The following VGLL3 variants were observed in gnomAD, a reference collection of about 807,000 sequenced individuals.
VGLL3 encodes the protein vestigial like family member 3.
A neutral mutation model predicts 29.2 loss-of-function variants in VGLL3; 18 were observed. That is an observed-to-expected ratio of 0.62 (90% CI 0.43 to 0.91). The LOEUF is 0.91. Ranked by LOEUF, VGLL3 falls within the 40% of genes least tolerant of loss-of-function variation. The probability of loss-of-function intolerance (pLI) is 0.00; values close to 1 mark genes in which losing one functional copy is unlikely to be tolerated. For synonymous variants in VGLL3, 180 were observed against 151.8 expected (o/e 1.19, Z -1.36); for missense variants, 440 against 413.2 (o/e 1.06, Z -0.56).
chr3:86,989,348 C>A (rs1186746639), intron 1 of VGLL3, among the ~76,000 whole-genome samples: 1 of 152,136 alleles, frequency 6.6e-6, no homozygotes, highest in African/African-American at 2.4e-5. Context: ...AGTAGGGCTC[C>A]TTCCTCTTTT....
rs759200574 is a variant in VGLL3 at position 86,947,056 on chromosome 3, G to C, written c.949C>G (p.Gln317Glu). 7.7e-6 allele frequency: 6 copies of C among 780,502 alleles called. No individual in the cohort carries two copies. The Middle Eastern group carries it at 9.0e-4, about 117-fold the overall frequency. The allele number at this position is 780,502 out of a possible 1,614,324, so 48.3% of individuals were successfully genotyped here. A position where few individuals can be genotyped will look rare whatever the true frequency, so the allele number is the denominator to read the frequency against. ...SVGFDTGLQH[Q>E]DKSKESPWY ...CACGGTGATTCCTTACTCTTGTCTT[G>C]ATGCTGTAGACCTGGAACAAATGAC... is the stretch of plus-strand genomic sequence containing the variant. Residue 317 changes from glutamine to glutamate, a missense_variant, in exon 4 of 4, where the codon CAA becomes GAA. Gln to Glu is a conservative substitution (Grantham distance 29, BLOSUM62 2). Transcript: ENST00000398399.
intron 3 of VGLL3, among the ~76,000 whole-genome samples, chr3:86,958,703 T>C (rs1704776358): frequency 6.6e-6 from 1 of 152,182 alleles, no homozygotes; most frequent in Non-Finnish European, 1.5e-5. Context: ...TCCCCTCTTA[T>C]TCATCATCCA....
At chr3:86,950,689 A>G (rs1450180488) in intron 3 of VGLL3, among the ~76,000 whole-genome samples, 1 of 152,192 alleles carries the variant, frequency 6.6e-6, no homozygotes, top group Non-Finnish European at 1.5e-5. Flanking sequence ...TTTTCCCAAG[A>G]TGACATAAAT....
intron 2 of VGLL3, among the ~76,000 whole-genome samples, chr3:86,971,301 A>C (rs1195355758): frequency 6.6e-6 from 1 of 152,150 alleles, no homozygotes; most frequent in East Asian, 1.9e-4. Flanking sequence ...TCTCCCCTAA[A>C]GGCTGTGGCA....
chr3:86,968,410 A>G (rs1705009110), intron 3 of VGLL3, among the ~76,000 whole-genome samples, 180 bp downstream of exon 3: 1 of 152,240 alleles, frequency 6.6e-6, no homozygotes, highest in Non-Finnish European at 1.5e-5. Flanking sequence ...GCTGGATTTC[A>G]TGAGCTAGTC....
intron 1 of VGLL3, among the ~76,000 whole-genome samples, chr3:86,985,209 C>T (rs1705413348): frequency 6.6e-6 from 1 of 152,126 alleles, no homozygotes; most frequent in South Asian, 2.1e-4. Flanking sequence ...GCTGCCTCTT[C>T]TGATATTTAG....
intron 3 of VGLL3, among the ~76,000 whole-genome samples, chr3:86,966,435 A>G (rs1208799084): frequency 6.6e-6 from 1 of 151,872 alleles, no homozygotes; most frequent in East Asian, 1.9e-4. Context: ...TGTTTTCTCA[A>G]TTGGGTCAAA....
intron 1 of VGLL3, among the ~76,000 whole-genome samples, chr3:86,982,634 G>A (rs1339643722): frequency 6.6e-6 from 1 of 152,046 alleles, no homozygotes; most frequent in Non-Finnish European, 1.5e-5. Flanking sequence ...CTGATTGAAG[G>A]TCACAATGTA....
chr3:86,990,119 C>T (rs192347398), intron 1 of VGLL3, among the ~76,000 whole-genome samples: 105 of 152,268 alleles, frequency 6.9e-4, no homozygotes, highest in African/African-American at 2.4e-3. Flanking sequence ...TAGTAACACC[C>T]GATAGACATT....
chr3:86,975,199 A>G (rs1341848880), intron 2 of VGLL3, among the ~76,000 whole-genome samples: 6 of 152,170 alleles, frequency 3.9e-5, no homozygotes, highest in African/African-American at 1.4e-4. Context: ...CAAAGACTGT[A>G]TTTTCCAATC....
At chr3:86,987,770 A>G (rs910823103) in intron 1 of VGLL3, among the ~76,000 whole-genome samples, 20 of 152,094 alleles carry the variant, frequency 1.3e-4, no homozygotes, top group African/African-American at 4.8e-4. Flanking sequence ...TTTTTAGCCC[A>G]CTGTATACCT....
chr3:86,978,554 G>A lies in VGLL3; in HGVS notation c.375C>T (p.Ser125=), dbSNP rs1323276695. 2 of 1,614,040 alleles carry A rather than the reference G, an allele frequency of 1.2e-6. No homozygotes were observed. The highest frequency in any genetic ancestry group is 1.7e-6 in the Non-Finnish European group (2 of 1,180,004). Residue 125 remains serine (S), a synonymous_variant, in exon 2 of 4, where the codon AGC becomes AGT. Coordinates refer to ENST00000398399, the MANE Select transcript of VGLL3 (RefSeq NM_016206.4). ...GCCATAGGGGGGTTAGCCCCATCTT[G>A]CTTTTTGAAATGGCAGATTCTGGAT... ...TLHPESAISK[S]KMGLTPLWRD...
intron 1 of VGLL3, chr3:86,990,276 T>C (rs1290201226): frequency 1.0e-6 from 1 of 978,562 alleles, no homozygotes; most frequent in South Asian, 4.7e-5. Flanking sequence ...AACAAAATAG[T>C]TGGTTGAAAG....
At chr3:86,975,833 G>A (rs185090240) in intron 2 of VGLL3, among the ~76,000 whole-genome samples, 41 of 152,178 alleles carry the variant, frequency 2.7e-4, no homozygotes, top group African/African-American at 8.4e-4. Flanking sequence ...AGTGGGGCGC[G>A]GTGGCTCACA....
intron 1 of VGLL3, among the ~76,000 whole-genome samples, chr3:86,987,793 G>A (rs976970958): frequency 1.3e-5 from 2 of 150,002 alleles, no homozygotes; most frequent in Admixed American, 6.6e-5. Context: ...GTAACACACT[G>A]CAGTGCAAGC....
In VGLL3 at chr3:86,978,821, A is replaced by G. The variant is rs771794702; in HGVS notation, c.127-19T>C. ...ACTTCTTCTGGGATGGAATAAACAA[A>G]ACACAGTATCAAAGACAGTTTGTAG... On this transcript the variant is annotated intron_variant, in intron 1 of 3. Coordinates refer to ENST00000398399, the MANE Select transcript of VGLL3 (RefSeq NM_016206.4). The G allele has an allele frequency of 6.4e-6, 10 of 1,574,404 alleles. No individual in the cohort carries two copies. In the Admixed American group the frequency reaches 1.8e-4, roughly 28 times the overall value.
At chr3:86,955,344 A>G (rs1704697530) in intron 3 of VGLL3, among the ~76,000 whole-genome samples, 2 of 150,150 alleles carry the variant, frequency 1.3e-5, no homozygotes, top group African/African-American at 4.9e-5. Flanking sequence ...CAATTCTTGC[A>G]TTGACATCAG....
At chr3:86,984,805 G>T (rs1048678725) in intron 1 of VGLL3, among the ~76,000 whole-genome samples, 10 of 152,102 alleles carry the variant, frequency 6.6e-5, no homozygotes, top group African/African-American at 2.4e-4. Flanking sequence ...AATTGGAAGA[G>T]TATAGTAAGG....
chr3:86,954,490 T>C (rs1048031158), intron 3 of VGLL3, among the ~76,000 whole-genome samples: 3 of 152,206 alleles, frequency 2.0e-5, no homozygotes, highest in African/African-American at 4.8e-5. Context: ...CATGTGCATA[T>C]TAAAATGCAT....
Sources: gnomAD v4.1 joint callset for allele counts (sites outside exome capture counted in the v4.1 genomes callset) on GRCh38, gnomAD v4.1.1 for gene constraint, MANE v1.5 for transcripts, NCBI Gene and HGNC (gene_info 2026-07-23, HGNC 2026-07-21) for gene names.